TSPAN2: variants seen among roughly 807,000 people sequenced by gnomAD.
The protein encoded by TSPAN2 is tetraspanin-2.
Under a neutral mutation model 33.3 loss-of-function variants are expected in TSPAN2, and 24 were observed. That is an observed-to-expected ratio of 0.72 (90% CI 0.52 to 1.01). TSPAN2 has a LOEUF of 1.01. Ranked by LOEUF, TSPAN2 falls within the 50% of genes least tolerant of loss-of-function variation. The probability of loss-of-function intolerance (pLI) is 0.00; values close to 1 mark genes in which losing one functional copy is unlikely to be tolerated. For missense variants in TSPAN2, 278 were observed against 281.3 expected (o/e 0.99, Z 0.08); for synonymous variants, 114 against 104.5 (o/e 1.09, Z -0.56).
chr1:115,073,898 T>C (rs953639751), intron 1 of TSPAN2, among the ~76,000 whole-genome samples: 3 of 152,082 alleles, frequency 2.0e-5, no homozygotes, highest in African/African-American at 4.8e-5. Flanking sequence ...AGGACTGTCA[T>C]TGCTGCGTGC....
chr1:115,083,771 G>C (rs12130654), intron 1 of TSPAN2, among the ~76,000 whole-genome samples: 33,515 of 152,140 alleles, frequency 0.22, 4,158 homozygotes, highest in Non-Finnish European at 0.28. Flanking sequence ...CCTGCTCCAG[G>C]GTCAGTGCAC....
chr1:115,084,635 T>C (rs1648762081), intron 1 of TSPAN2, among the ~76,000 whole-genome samples: 1 of 152,230 alleles, frequency 6.6e-6, no homozygotes, highest in Admixed American at 6.5e-5. Context: ...GCTGAGAACA[T>C]TCCTATCTGC....
At chr1:115,066,733 C>T (rs1379857828) in intron 2 of TSPAN2, among the ~76,000 whole-genome samples, 2 of 152,126 alleles carry the variant, frequency 1.3e-5, no homozygotes, top group Non-Finnish European at 2.9e-5. Context: ...TTCAGTATCC[C>T]CTGAATGCAT....
Position 115,062,055 on chromosome 1 carries a change from G to T in TSPAN2, c.270+80C>A, listed in dbSNP as rs1043742946. 21 of 1,240,972 alleles carry T rather than the reference G, an allele frequency of 1.7e-5. No homozygotes were observed. The Admixed American group carries it at 4.3e-4, about 25-fold the overall frequency. 76.9% of individuals were successfully genotyped at this position (1,240,972 alleles called of 1,614,324 possible). A position where few individuals can be genotyped will look rare whatever the true frequency, so the allele number is the denominator to read the frequency against. On this transcript the variant is annotated intron_variant, in intron 3 of 7. Transcript: ENST00000369516. ...GAGTCCACGGAGGAGCTGGAGCCAG[G>T]GGCCAGAGGCACTGACTCCCTTCAG...
intron 1 of TSPAN2, among the ~76,000 whole-genome samples, chr1:115,080,048 A>G (rs1648565376): frequency 6.6e-6 from 1 of 152,212 alleles, no homozygotes; most frequent in South Asian, 2.1e-4. Flanking sequence ...GTCAACCAAC[A>G]TTGCTGGGGG....
Position 115,058,886 on chromosome 1 carries a change from T to G in TSPAN2, c.441A>C (p.Ser147=), listed in dbSNP as rs1647544582. The change falls in exon 5 of 8, where the codon TCA becomes TCC. Residue 147 remains serine (S), a synonymous_variant. Coordinates refer to ENST00000369516, the MANE Select transcript of TSPAN2 (RefSeq NM_005725.6). The stretch of plus-strand genomic sequence containing the variant: ...AGGAAGAAGTGAAGTTACTCACTGT[T>G]GAGTGGAAGGTGATGAGTGTCCCAT... The part of the protein sequence containing the change: ...KGNGTLITFH[S]TFQCCGKESS... The G allele has an allele frequency of 1.2e-6, 2 of 1,610,352 alleles. No homozygotes were observed. The highest frequency in any genetic ancestry group is 1.7e-6 in the Non-Finnish European group (2 of 1,176,688).
At position 115,062,158 on chromosome 1, in the gene TSPAN2, C is replaced by T. The variant is rs1456892403; in HGVS notation, c.247G>A (p.Glu83Lys). 1 of 1,597,348 alleles carries T rather than the reference C, an allele frequency of 6.3e-7. No homozygotes were observed. The highest frequency in any genetic ancestry group is 2.3e-5 in the East Asian group (1 of 44,098). ...GFFGCCGAMRESQCVLGSFFT... is the reference protein window; with the variant it reads ...GFFGCCGAMRKSQCVLGSFFT... ...ACTGATCCAAGCACACATTGCGACT[C>T]CCGCATGGCTCCGCAGCACCCGAAG... is the stretch of plus-strand genomic sequence containing the variant. Residue 83 changes from glutamate to lysine, a missense_variant, in exon 3 of 8, where the codon GAG becomes AAG. Physicochemically the swap from Glu to Lys is moderately conservative, Grantham distance 56 (BLOSUM62 1). Coordinates refer to ENST00000369516, the MANE Select transcript of TSPAN2 (RefSeq NM_005725.6).
chr1:115,069,479 T>A (rs1648079476), intron 2 of TSPAN2, among the ~76,000 whole-genome samples: 1 of 152,232 alleles, frequency 6.6e-6, no homozygotes, highest in African/African-American at 2.4e-5. Context: ...GTTCTACTTC[T>A]GGAGTCACTC....
chr1:115,073,072 G>T, intron 1 of TSPAN2, 65 bp from the exon 2 acceptor site: 1 of 1,369,264 alleles, frequency 7.3e-7, no homozygotes, highest in Non-Finnish European at 1.0e-6. Context: ...TCCGAGAGCA[G>T]GCTCTAGGCA....
rs1387943882 is a variant in TSPAN2, at chr1:115,060,466, C to T, written c.343G>A (p.Val115Ile). ...ACATTATAAGTAATTTTACTTACTA[C>T]CCCCTTGCCTATAAAAGCAAATACT... is the stretch of plus-strand genomic sequence containing the variant. ...TGVFAFIGKG[V>I]AIRHVQTMYE... The change falls in exon 4 of 8, where the codon GTA becomes ATA. Residue 115 changes from valine (V) to isoleucine (I), a missense_variant and splice_region_variant. By Grantham distance (29) the Val-to-Ile change is conservative. Coordinates refer to ENST00000369516, the MANE Select transcript of TSPAN2 (RefSeq NM_005725.6). The T allele has an allele frequency of 3.7e-6, 6 of 1,610,572 alleles. No individual in the cohort carries two copies. The highest frequency in any genetic ancestry group is 2.2e-5 in the East Asian group (1 of 44,834).
intron 6 of TSPAN2, 91 bp from the exon 7 acceptor site, chr1:115,053,553 C>G: frequency 2.8e-6 from 3 of 1,064,612 alleles, no homozygotes; most frequent in Non-Finnish European, 4.2e-6. Flanking sequence ...ACAGTTCATT[C>G]TGTGAGAGTT....
rs1320610445 is a variant in TSPAN2, at chr1:115,048,088, A to T, written c.*2402T>A. On this transcript the variant is annotated 3_prime_UTR_variant, in exon 8 of 8. Transcript: ENST00000369516. ...AGAAGTCTTAATTCAGTGCCTTGGCATGAGACATTTAAAAGCATGTTTGGG... is the reference window on the plus strand; with the variant it reads ...AGAAGTCTTAATTCAGTGCCTTGGCTTGAGACATTTAAAAGCATGTTTGGG... 1 of 151,848 alleles carries T rather than the reference A, an allele frequency of 6.6e-6. No individual in the cohort carries two copies. 9.4% of individuals were successfully genotyped at this position (151,848 alleles called of 1,614,324 possible).
intron 2 of TSPAN2, among the ~76,000 whole-genome samples, chr1:115,063,548 G>C (rs535462404): frequency 6.6e-6 from 1 of 152,164 alleles, no homozygotes; most frequent in Non-Finnish European, 1.5e-5. Context: ...CACTCGACCC[G>C]GCAATCCCAT....
chr1:115,050,823 C>T (rs1675294458), intron 7 of TSPAN2, among the ~76,000 whole-genome samples: 1 of 152,178 alleles, frequency 6.6e-6, no homozygotes. Context: ...TAGAACCGTT[C>T]TGAATACCTG....
intron 2 of TSPAN2, among the ~76,000 whole-genome samples, chr1:115,070,519 G>C (rs999602310): frequency 1.3e-5 from 2 of 151,272 alleles, no homozygotes; most frequent in African/African-American, 4.9e-5. Context: ...ACATTCAAAG[G>C]CCTCTATACT....
chr1:115,055,179 A>G (rs73006278), intron 6 of TSPAN2, among the ~76,000 whole-genome samples: 3,833 of 152,136 alleles, frequency 0.025, 186 homozygotes, highest in African/African-American at 0.088. Context: ...CAAACAAAAC[A>G]ACACTCGAGA....
chr1:115,073,349 C>T (rs1192473465), intron 1 of TSPAN2, among the ~76,000 whole-genome samples: 3 of 152,210 alleles, frequency 2.0e-5, no homozygotes, highest in South Asian at 4.1e-4. Flanking sequence ...AAGGCATCTG[C>T]CCCTGCCTTT....
intron 1 of TSPAN2, among the ~76,000 whole-genome samples, chr1:115,079,167 A>G (rs1006121455): frequency 1.0e-3 from 118 of 115,848 alleles, no homozygotes; most frequent in Non-Finnish European, 1.3e-3. Context: ...ACACACACAC[A>G]CGCGCATGCT....
At chr1:115,078,556 T>G (rs1332997043) in intron 1 of TSPAN2, among the ~76,000 whole-genome samples, 1 of 152,126 alleles carries the variant, frequency 6.6e-6, no homozygotes, top group East Asian at 1.9e-4. Flanking sequence ...ACTAGTGCCC[T>G]TATAAGAAGA....
Sources: allele counts gnomAD v4.1 joint callset (sites outside exome capture counted in the v4.1 genomes callset), GRCh38; gene constraint gnomAD v4.1.1; transcripts MANE v1.5; gene names NCBI Gene and HGNC (gene_info 2026-07-23, HGNC 2026-07-21).